The following MYZAP variants were observed in gnomAD, a reference collection of about 807,000 sequenced individuals.
MYZAP encodes GRINL1A complex locus upstream.
A neutral mutation model predicts 69.4 loss-of-function variants in MYZAP; 66 were observed. The observed-to-expected ratio is 0.95, with a 90% CI of 0.78 to 1.17. The LOEUF (loss-of-function observed/expected upper bound fraction) is 1.17, where lower values mean the gene tolerates loss of function less well. Ranked by LOEUF, MYZAP falls within the 50% of genes most tolerant of loss-of-function variation. The pLI, the probability that MYZAP is intolerant of heterozygous loss-of-function variation, is 0.00. For missense variants in MYZAP, 611 were observed against 556.2 expected (o/e 1.10, Z -0.99); for synonymous variants, 256 against 205.9 (o/e 1.24, Z -2.09).
intron 2 of MYZAP, among the ~76,000 whole-genome samples, chr15:57,616,888 A>C (rs2035500249): frequency 7.2e-6 from 1 of 138,124 alleles, no homozygotes; most frequent in Non-Finnish European, 1.5e-5. Context: ...GGCAGTTGAA[A>C]AGTTAGCAGG....
At chr15:57,657,324 T>C (rs1000887976) in intron 10 of MYZAP, among the ~76,000 whole-genome samples, 3 of 152,230 alleles carry the variant, frequency 2.0e-5, no homozygotes, top group Admixed American at 6.5e-5. Flanking sequence ...ACAATCTTAA[T>C]ACTATAAAAA....
intron 2 of MYZAP, among the ~76,000 whole-genome samples, chr15:57,609,852 T>TAA (rs1255567168): frequency 2.0e-5 from 3 of 152,194 alleles, no homozygotes; most frequent in Non-Finnish European, 4.4e-5. Context: ...GTTTTGAAAT[T>TAA]AAGTACCTGT....
chr15:57,621,205 C>CTTTTTTTTTTT (rs61201214), intron 3 of MYZAP, among the ~76,000 whole-genome samples: 97 of 127,282 alleles, frequency 7.6e-4, no homozygotes, highest in Non-Finnish European at 9.2e-4. Flanking sequence ...CTTTCTTTTT[C>CTTTTTTTTTTT]TTTTTTTTTT....
chr15:57,624,788 C>A lies in MYZAP; in HGVS notation c.412-991C>A, dbSNP rs573616124. 2.0e-5 allele frequency among the ~76,000 whole-genome samples: 3 copies of A among 152,306 alleles called. No individual in the cohort carries two copies. In the East Asian group the frequency reaches 5.8e-4, roughly 29 times the overall value. On this transcript the variant is annotated intron_variant, in intron 4 of 12. Transcript: ENST00000267853. Reference sequence around the variant, plus strand: ...TTGCTAAATTATTGCTATTGAAACACACTGCTGAACACAAAGCTGCCACAT... The same window carrying A: ...TTGCTAAATTATTGCTATTGAAACAAACTGCTGAACACAAAGCTGCCACAT...
Position 57,604,268 on chromosome 15 carries a change from G to A in MYZAP, c.76-1G>A, listed in dbSNP as rs781553829. 15 of 1,613,988 alleles carry A rather than the reference G, an allele frequency of 9.3e-6. No homozygotes were observed. The highest frequency in any genetic ancestry group is 1.3e-5 in the Non-Finnish European group (15 of 1,180,024). Reference sequence around the variant, plus strand: ...TGGCCTCTCCTTTCCCTCTCTTCTAGGCAAATGTTTGCAGACTACGGCTGA... The same window carrying A: ...TGGCCTCTCCTTTCCCTCTCTTCTAAGCAAATGTTTGCAGACTACGGCTGA... On this transcript the variant is annotated splice_acceptor_variant, in intron 1 of 12. Transcript: ENST00000267853. LOFTEE classifies it high-confidence loss of function.
chr15:57,621,035 C>T, intron 3 of MYZAP, among the ~76,000 whole-genome samples: 1 of 144,442 alleles, frequency 6.9e-6, no homozygotes, highest in African/African-American at 2.5e-5. Flanking sequence ...TTAATATATG[C>T]CTATATATTT....
At chr15:57,662,601 C>G (rs1245381773) in intron 11 of MYZAP, among the ~76,000 whole-genome samples, 1 of 152,122 alleles carries the variant, frequency 6.6e-6, no homozygotes, top group African/African-American at 2.4e-5. Flanking sequence ...ATAGAAGGTG[C>G]CTGGCATGTA....
In MYZAP at chr15:57,629,088, CAAA is replaced by C. The variant is rs1274144448; in HGVS notation, c.526-597_526-595del. 2.5e-3 allele frequency among the ~76,000 whole-genome samples: 289 copies of C among 115,100 alleles called. 1 individual carries two copies. Among genetic ancestry groups the C allele is most frequent in the African/African-American group, 8.2e-3 (249 of 30,344 alleles). 75.5% of individuals were successfully genotyped at this position (115,100 alleles called of 152,430 possible). ...ACAGAGTAAGGCTCTGTCTCAAAAA[CAAA>C]AAAAAAAAAAAAAAAAGAAAAAGAA... On this transcript the variant is annotated intron_variant, in intron 5 of 12. Coordinates refer to ENST00000267853, the MANE Select transcript of MYZAP (RefSeq NM_001018100.5).
At chr15:57,677,247 A>G (rs931382690) in intron 12 of MYZAP, among the ~76,000 whole-genome samples, 5 of 152,230 alleles carry the variant, frequency 3.3e-5, no homozygotes, top group African/African-American at 1.2e-4. Flanking sequence ...CCTCCCCAAA[A>G]CAACTGAGAA....
At chr15:57,600,510 T>A (rs2034341627) in intron 1 of MYZAP, among the ~76,000 whole-genome samples, 1 of 152,210 alleles carries the variant, frequency 6.6e-6, no homozygotes. Flanking sequence ...ATAGGAAGTG[T>A]GTTGAGGAAT....
chr15:57,632,630 G>C, intron 7 of MYZAP, 71 bp downstream of exon 7: 14 of 1,583,568 alleles, frequency 8.8e-6, no homozygotes, highest in Non-Finnish European at 1.2e-5. Flanking sequence ...TGATGTATAC[G>C]TAGTAGTGTT....
chr15:57,681,415 C>T (rs568399156), intron 12 of MYZAP, among the ~76,000 whole-genome samples: 18 of 152,290 alleles, frequency 1.2e-4, no homozygotes, highest in South Asian at 4.1e-4. Flanking sequence ...ATGGAGATGA[C>T]GGAGATGTGG....
At chr15:57,621,738 A>G (rs777714126) in intron 4 of MYZAP, 38 bp downstream of exon 4, 4 of 1,608,224 alleles carry the variant, frequency 2.5e-6, no homozygotes, top group Admixed American at 1.7e-5. Context: ...ATAGGGAGGC[A>G]TGGCAGGCTC....
intron 12 of MYZAP, among the ~76,000 whole-genome samples, chr15:57,678,697 T>G (rs2039267937): frequency 6.6e-6 from 1 of 152,066 alleles, no homozygotes. Flanking sequence ...ATTGATAAGG[T>G]CTCTGTCAGC....
chr15:57,646,120 A>G, intron 10 of MYZAP: 2 of 1,288,010 alleles, frequency 1.6e-6, no homozygotes, highest in African/African-American at 3.0e-5. Context: ...TAATCCACTC[A>G]ATTGAACTGT....
chr15:57,675,694 T>C (rs1338315115), intron 12 of MYZAP, among the ~76,000 whole-genome samples: 2 of 152,176 alleles, frequency 1.3e-5, no homozygotes, highest in Non-Finnish European at 1.5e-5. Flanking sequence ...ACCTGTTCAT[T>C]GTTAAGCTGC....
At chr15:57,624,623 A>G (rs1325707045) in intron 4 of MYZAP, among the ~76,000 whole-genome samples, 1 of 152,224 alleles carries the variant, frequency 6.6e-6, no homozygotes, top group Non-Finnish European at 1.5e-5. Context: ...TGCATAAACA[A>G]GACTCTGCTC....
At chr15:57,619,370 C>T (rs1208106711) in intron 3 of MYZAP, among the ~76,000 whole-genome samples, 12 of 152,246 alleles carry the variant, frequency 7.9e-5, no homozygotes, top group African/African-American at 2.6e-4. Context: ...TGTATATTTT[C>T]GAGACAGCGT....
chr15:57,604,208 T>C, intron 1 of MYZAP, 61 bp from the exon 2 acceptor site: 1 of 1,574,598 alleles, frequency 6.4e-7, no homozygotes, highest in African/African-American at 1.3e-5. Context: ...CCCAAGGTCA[T>C]CTGGCTCTTT....
Sources: allele counts gnomAD v4.1 joint callset (sites outside exome capture counted in the v4.1 genomes callset), GRCh38; gene constraint gnomAD v4.1.1; transcripts MANE v1.5; gene names NCBI Gene and HGNC (gene_info 2026-07-23, HGNC 2026-07-21).